DEPTOR: variants seen among roughly 807,000 people sequenced by gnomAD.
The protein encoded by DEPTOR is DEP domain-containing mTOR-interacting protein.
A neutral mutation model predicts 41.6 loss-of-function variants in DEPTOR; 41 were observed. The observed-to-expected ratio is 0.98, with a 90% CI of 0.77 to 1.28. DEPTOR has a LOEUF of 1.28. Ranked by LOEUF, DEPTOR falls within the 50% of genes most tolerant of loss-of-function variation. The probability of loss-of-function intolerance (pLI) is 0.00; values close to 1 mark genes in which losing one functional copy is unlikely to be tolerated. For missense variants in DEPTOR, 514 were observed against 527.9 expected (o/e 0.97, Z 0.26); for synonymous variants, 195 against 192.3 (o/e 1.01, Z -0.12).
In DEPTOR at chr8:120,023,152, C is replaced by G. The variant is rs549677715; in HGVS notation, c.1101+14019C>G. The stretch of plus-strand genomic sequence containing the variant: ...CCACAAGGAAGATAGAGACAGTGAG[C>G]TGTTTGGCATCTTTTCTCATTAGGC... On this transcript the variant is annotated intron_variant, in intron 8 of 8. Transcript: ENST00000286234. 9.8e-5 allele frequency among the ~76,000 whole-genome samples: 15 copies of G among 152,302 alleles called. No homozygotes were observed. In the South Asian group the frequency reaches 3.1e-3, roughly 32 times the overall value.
chr8:119,982,381 T>C (rs1167142369), intron 4 of DEPTOR, among the ~76,000 whole-genome samples: 2 of 152,176 alleles, frequency 1.3e-5, no homozygotes, highest in Non-Finnish European at 2.9e-5. Context: ...TCTTACACGA[T>C]ATGGGCTTCA....
chr8:119,960,916 G>A (rs1828481698), intron 3 of DEPTOR, among the ~76,000 whole-genome samples: 1 of 151,738 alleles, frequency 6.6e-6, no homozygotes, highest in Non-Finnish European at 1.5e-5. Flanking sequence ...TCCGGGAGGC[G>A]GAGGTTGCAC....
chr8:119,874,102 G>A (rs1827200945), intron 1 of DEPTOR, 134 bp downstream of exon 1: 3 of 1,469,564 alleles, frequency 2.0e-6, no homozygotes, highest in Middle Eastern at 2.1e-4. Flanking sequence ...CGGGCGCGTG[G>A]ATGGTCCTCG....
At chr8:119,974,812 C>A (rs1215100107) in intron 4 of DEPTOR, among the ~76,000 whole-genome samples, 3 of 151,866 alleles carry the variant, frequency 2.0e-5, no homozygotes, top group African/African-American at 4.8e-5. Context: ...AGACTTCAGG[C>A]TTAAATACCA....
At chr8:119,961,965 G>A (rs1828497972) in intron 3 of DEPTOR, among the ~76,000 whole-genome samples, 1 of 151,788 alleles carries the variant, frequency 6.6e-6, no homozygotes, top group Admixed American at 6.6e-5. Flanking sequence ...TATGGGCCAG[G>A]TGTGGTAGCT....
intron 1 of DEPTOR, among the ~76,000 whole-genome samples, chr8:119,875,253 G>A (rs1402584175): frequency 1.3e-5 from 2 of 152,150 alleles, no homozygotes; most frequent in Admixed American, 6.5e-5. Flanking sequence ...TAATCACCTG[G>A]GTGCAGGTGG....
At chr8:119,935,093 A>G (rs2129872481) in intron 3 of DEPTOR, among the ~76,000 whole-genome samples, 1 of 152,278 alleles carries the variant, frequency 6.6e-6, no homozygotes, top group Admixed American at 6.5e-5. Flanking sequence ...TTTCATCAAC[A>G]AGCTCTAAGC....
chr8:120,016,135 A>C (rs1812608316), intron 8 of DEPTOR, among the ~76,000 whole-genome samples: 1 of 152,120 alleles, frequency 6.6e-6, no homozygotes, highest in Non-Finnish European at 1.5e-5. Flanking sequence ...CTCTTTCAAC[A>C]ATGATATAGT....
At chr8:119,968,993 C>A (rs571921786) in intron 4 of DEPTOR, among the ~76,000 whole-genome samples, 2 of 151,956 alleles carry the variant, frequency 1.3e-5, no homozygotes, top group South Asian at 2.1e-4. Context: ...ACTTGGGAGG[C>A]TGAGGCAGTA....
At position 119,928,743 on chromosome 8, in the gene DEPTOR, C is replaced by CTTTTTT. The variant is rs376801517; in HGVS notation, c.301+179_301+184dup. Reference sequence around the variant, plus strand: ...CCTCTAAGAGGCATTTGGGTTCTTTCTTTTTTTTTTTTTTTTTTTGTATTT... The same window carrying CTTTTTT: ...CCTCTAAGAGGCATTTGGGTTCTTTCTTTTTTTTTTTTTTTTTTTTTTTTTGTATTT... On this transcript the variant is annotated intron_variant, in intron 2 of 8. Transcript: ENST00000286234. 2.0e-4 allele frequency among the ~76,000 whole-genome samples: 25 copies of CTTTTTT among 127,910 alleles called. 1 individual carries two copies. Among genetic ancestry groups the CTTTTTT allele is most frequent in the Non-Finnish European group, 2.4e-4 (15 of 62,166 alleles). 83.9% of individuals were successfully genotyped at this position (127,910 alleles called of 152,430 possible). A position where few individuals can be genotyped will look rare whatever the true frequency, so the allele number is the denominator to read the frequency against.
intron 3 of DEPTOR, among the ~76,000 whole-genome samples, chr8:119,930,784 A>T (rs1032551818): frequency 6.6e-6 from 1 of 152,062 alleles, no homozygotes. Context: ...TTGATCTGCT[A>T]CTTCTGTGGC....
chr8:119,994,780 G>A (rs1435975001), intron 4 of DEPTOR, among the ~76,000 whole-genome samples: 1 of 151,918 alleles, frequency 6.6e-6, no homozygotes, highest in Non-Finnish European at 1.5e-5. Context: ...AGCCGGGCAT[G>A]GTGGTGCACG....
chr8:120,008,410 T>C (rs1454107017), intron 7 of DEPTOR, among the ~76,000 whole-genome samples: 1 of 151,158 alleles, frequency 6.6e-6, no homozygotes, highest in Admixed American at 6.6e-5. Flanking sequence ...ATGCCTGTAA[T>C]CCCAGTTACT....
intron 4 of DEPTOR, among the ~76,000 whole-genome samples, chr8:119,974,333 T>C (rs998557601): frequency 6.7e-6 from 1 of 150,164 alleles, no homozygotes; most frequent in Non-Finnish European, 1.5e-5. Flanking sequence ...ATTTTTTCTT[T>C]ACTTTTCATG....
At chr8:120,025,145 A>C (rs576981612) in intron 8 of DEPTOR, among the ~76,000 whole-genome samples, 1 of 152,350 alleles carries the variant, frequency 6.6e-6, no homozygotes, top group South Asian at 2.1e-4. Context: ...ACGTTAATCC[A>C]CACAGATTTT....
At chr8:119,957,530 A>T (rs1207254333) in intron 3 of DEPTOR, among the ~76,000 whole-genome samples, 2 of 151,410 alleles carry the variant, frequency 1.3e-5, no homozygotes, top group Non-Finnish European at 2.9e-5. Context: ...AAATGAAGGA[A>T]TGGTGGTATT....
chr8:119,974,235 T>TAAAA (rs35885551), intron 4 of DEPTOR, among the ~76,000 whole-genome samples: 2 of 74,850 alleles, frequency 2.7e-5, no homozygotes, highest in African/African-American at 4.7e-5. Flanking sequence ...CTTGTCTCTT[T>TAAAA]AAAAAAAAAA....
chr8:119,924,262 A>G (rs1333281268), intron 1 of DEPTOR, among the ~76,000 whole-genome samples: 1 of 152,176 alleles, frequency 6.6e-6, no homozygotes, highest in African/African-American at 2.4e-5. Context: ...TGCTGCTGCA[A>G]TGGTCCCCAA....
intron 8 of DEPTOR, 23 bp downstream of exon 8, chr8:120,009,156 C>G (rs1812493447): frequency 6.3e-7 from 1 of 1,599,026 alleles, no homozygotes; most frequent in Non-Finnish European, 8.6e-7. Flanking sequence ...CTTTCTCACC[C>G]TCTTTTATAT....
Sources: gnomAD v4.1 joint callset for allele counts (sites outside exome capture counted in the v4.1 genomes callset) on GRCh38, gnomAD v4.1.1 for gene constraint, MANE v1.5 for transcripts, NCBI Gene and HGNC (gene_info 2026-07-23, HGNC 2026-07-21) for gene names.